The following TAFA1 variants were observed in gnomAD, a reference collection of about 807,000 sequenced individuals.
The protein encoded by TAFA1 is chemokine-like protein TAFA-1.
Under a neutral mutation model 18.5 loss-of-function variants are expected in TAFA1, and 4 were observed. That is an observed-to-expected ratio of 0.22 (90% CI 0.11 to 0.49). The LOEUF is 0.49. TAFA1 is among the 20% of genes least tolerant of loss of function. The pLI is 0.98. For synonymous variants in TAFA1, 56 were observed against 55.2 expected (o/e 1.01, Z -0.06); for missense variants, 147 against 169.0 (o/e 0.87, Z 0.72).
intron 2 of TAFA1, among the ~76,000 whole-genome samples, chr3:68,187,441 A>C (rs1293671811): frequency 1.3e-5 from 2 of 151,978 alleles, no homozygotes; most frequent in East Asian, 1.9e-4. Flanking sequence ...CTATTTTTGA[A>C]CTTTCTATGG....
chr3:68,418,088 G>A (rs902085084), intron 3 of TAFA1, among the ~76,000 whole-genome samples: 1 of 152,090 alleles, frequency 6.6e-6, no homozygotes, highest in Middle Eastern at 3.2e-3. Flanking sequence ...TTTGGGAAAT[G>A]ATTTTGGACT....
intron 2 of TAFA1, among the ~76,000 whole-genome samples, chr3:68,152,779 T>G (rs2065822130): frequency 6.6e-6 from 1 of 152,122 alleles, no homozygotes; most frequent in Admixed American, 6.6e-5. Context: ...TTCTGCCAGG[T>G]TTAAATTCCC....
intron 3 of TAFA1, among the ~76,000 whole-genome samples, chr3:68,516,871 T>C (rs1167855696): frequency 6.6e-6 from 1 of 152,100 alleles, no homozygotes; most frequent in Admixed American, 6.5e-5. Context: ...CGTCCTGGGT[T>C]CAAGCCATTC....
chr3:68,468,111 A>G (rs2071925155), intron 3 of TAFA1, among the ~76,000 whole-genome samples: 1 of 152,198 alleles, frequency 6.6e-6, no homozygotes, highest in East Asian at 1.9e-4. Context: ...GCCCTGATAC[A>G]TATAAAAACA....
intron 2 of TAFA1, among the ~76,000 whole-genome samples, chr3:68,051,623 G>A (rs143295459): frequency 5.9e-4 from 90 of 152,190 alleles, no homozygotes; most frequent in Non-Finnish European, 1.0e-3. Flanking sequence ...AGAAACTCTC[G>A]TTTAGATTGT....
At chr3:68,419,556 T>A (rs2070915261) in intron 3 of TAFA1, among the ~76,000 whole-genome samples, 1 of 152,184 alleles carries the variant, frequency 6.6e-6, no homozygotes, top group Non-Finnish European at 1.5e-5. Context: ...TGTTTCATAA[T>A]TTAGAGCTGG....
chr3:68,157,213 T>C (rs1296170890), intron 2 of TAFA1, among the ~76,000 whole-genome samples: 1 of 152,242 alleles, frequency 6.6e-6, no homozygotes, highest in African/African-American at 2.4e-5. Context: ...GCTGTCTTTG[T>C]GCTTACAACA....
At chr3:68,457,641 T>C (rs1181791366) in intron 3 of TAFA1, among the ~76,000 whole-genome samples, 1 of 152,204 alleles carries the variant, frequency 6.6e-6, no homozygotes, top group Non-Finnish European at 1.5e-5. Flanking sequence ...TTTATCACTC[T>C]TTGTGGTGAG....
At chr3:68,390,193 G>A (rs1464975648) in intron 2 of TAFA1, among the ~76,000 whole-genome samples, 1 of 152,150 alleles carries the variant, frequency 6.6e-6, no homozygotes, top group East Asian at 1.9e-4. Flanking sequence ...CATTACTGAG[G>A]CTTGAGTACA....
chr3:68,232,655 G>C (rs753348522), intron 2 of TAFA1, among the ~76,000 whole-genome samples: 1 of 152,004 alleles, frequency 6.6e-6, no homozygotes, highest in African/African-American at 2.4e-5. Flanking sequence ...ACCCGGGCTG[G>C]AGTACATTGA....
intron 2 of TAFA1, among the ~76,000 whole-genome samples, chr3:68,342,653 A>G (rs1388587563): frequency 1.3e-5 from 2 of 152,258 alleles, no homozygotes; most frequent in African/African-American, 4.8e-5. Flanking sequence ...GAAAATTCCC[A>G]GAGTGCCTCT....
intron 3 of TAFA1, among the ~76,000 whole-genome samples, chr3:68,440,319 T>C (rs1241691755): frequency 6.6e-6 from 1 of 152,214 alleles, no homozygotes; most frequent in Non-Finnish European, 1.5e-5. Flanking sequence ...ATTAAACCTC[T>C]TTCTTTTGTA....
chr3:68,138,482 C>T (rs942319859), intron 2 of TAFA1, among the ~76,000 whole-genome samples: 12 of 152,160 alleles, frequency 7.9e-5, no homozygotes, highest in Non-Finnish European at 1.3e-4. Context: ...TTCTTCTATC[C>T]TAATAAACAC....
At chr3:68,141,768 T>C (rs1272546940) in intron 2 of TAFA1, among the ~76,000 whole-genome samples, 2 of 152,194 alleles carry the variant, frequency 1.3e-5, no homozygotes, top group Non-Finnish European at 2.9e-5. Flanking sequence ...AGAGTCCTGA[T>C]TCTTCCTTTT....
At chr3:68,113,033 A>G (rs915167936) in intron 2 of TAFA1, among the ~76,000 whole-genome samples, 1 of 152,166 alleles carries the variant, frequency 6.6e-6, no homozygotes, top group African/African-American at 2.4e-5. Flanking sequence ...TGTATCAGTA[A>G]CTTGGCAGGT....
intron 2 of TAFA1, among the ~76,000 whole-genome samples, chr3:68,412,952 A>C (rs944890283): frequency 8.6e-5 from 13 of 151,622 alleles, no homozygotes; most frequent in Non-Finnish European, 1.6e-4. Flanking sequence ...GAATTGCCAC[A>C]CTGACTTCCA....
chr3:68,051,427 G>A (rs554354313), intron 2 of TAFA1, among the ~76,000 whole-genome samples: 15 of 152,146 alleles, frequency 9.9e-5, no homozygotes, highest in East Asian at 3.9e-4. Context: ...TTAACCAGGG[G>A]CAATTTTGCC....
chr3:68,393,444 C>T (rs2070304810), intron 2 of TAFA1, among the ~76,000 whole-genome samples: 1 of 150,870 alleles, frequency 6.6e-6, no homozygotes, highest in Non-Finnish European at 1.5e-5. Context: ...CAAAGAGAAG[C>T]TGGTACCATT....
At chr3:68,501,565 T>C (rs918857333) in intron 3 of TAFA1, among the ~76,000 whole-genome samples, 2 of 152,164 alleles carry the variant, frequency 1.3e-5, no homozygotes, top group Non-Finnish European at 2.9e-5. Context: ...TACCAAATAT[T>C]TAATCAATAT....
Sources: gnomAD v4.1 joint callset for allele counts (sites outside exome capture counted in the v4.1 genomes callset) on GRCh38, gnomAD v4.1.1 for gene constraint, MANE v1.5 for transcripts, NCBI Gene and HGNC (gene_info 2026-07-23, HGNC 2026-07-21) for gene names.